Variants in CCDC102B observed in about 807,000 individuals in gnomAD.
CCDC102B encodes the protein coiled-coil domain-containing protein 102B.
In CCDC102B, 75 loss-of-function variants were observed where a neutral mutation model predicts 57.4. The observed-to-expected ratio is 1.31, with a 90% confidence interval of 1.08 to 1.58. CCDC102B has a LOEUF of 1.58. Ranked by LOEUF, CCDC102B falls within the 40% of genes most tolerant of loss-of-function variation. The pLI, the probability that CCDC102B is intolerant of heterozygous loss-of-function variation, is 0.00. For missense variants in CCDC102B, 636 were observed against 582.6 expected (o/e 1.09, Z -0.94); for synonymous variants, 206 against 201.9 (o/e 1.02, Z -0.17).
chr18:68,810,696 T>G lies in CCDC102B; in HGVS notation c.-16+12515T>G, dbSNP rs1453033746. Reference sequence around the variant, plus strand: ...CTTTTCTTTGTTTTTTTTTTTTTTTTTTTTTTTTTTTATGCTTTAAGTTCT... The same window carrying G: ...CTTTTCTTTGTTTTTTTTTTTTTTTGTTTTTTTTTTTATGCTTTAAGTTCT... On this transcript the variant is annotated intron_variant, in intron 1 of 7. Coordinates refer to ENST00000360242, the MANE Select transcript of CCDC102B (RefSeq NM_024781.3). Among the ~76,000 whole-genome samples, 5 of 145,082 alleles carry G rather than the reference T, an allele frequency of 3.4e-5. 1 individual carries two copies. The highest frequency in any genetic ancestry group is 7.1e-3 in the Middle Eastern group (2 of 282).
chr18:68,717,420 GTTAA>G (rs1285926642), intron 2 of CCDC102B, among the ~76,000 whole-genome samples: 4 of 152,106 alleles, frequency 2.6e-5, no homozygotes, highest in Admixed American at 1.3e-4. Flanking sequence ...GGTGTATTGA[GTTAA>G]TTAAATTATT....
At chr18:68,845,338 ATTAG>A (rs1023201447) in intron 3 of CCDC102B, among the ~76,000 whole-genome samples, 1 of 151,872 alleles carries the variant, frequency 6.6e-6, no homozygotes, top group Non-Finnish European at 1.5e-5. Flanking sequence ...AGATCCGTAT[ATTAG>A]TTAATTATGA....
rs572307174 is a variant in CCDC102B at position 68,720,152 on chromosome 18, T to G, written c.-67+3558T>G. Among the ~76,000 whole-genome samples, 155 of 152,326 alleles carry G rather than the reference T, an allele frequency of 1.0e-3. 1 individual carries two copies. The highest frequency in any genetic ancestry group is 6.8e-3 in the Middle Eastern group (2 of 294). ...CCTGTCATCAATAGTAAATTAGGAA[T>G]AGGAAGGCAATTCTATGACATGTTG... On this transcript the variant is annotated intron_variant, in intron 2 of 3. Transcript: ENST00000578970.
intron 4 of CCDC102B, among the ~76,000 whole-genome samples, chr18:68,854,620 C>A (rs1383133775): frequency 6.6e-6 from 1 of 152,024 alleles, no homozygotes; most frequent in African/African-American, 2.4e-5. Context: ...GTAATACATG[C>A]CTCTTTGCTT....
intron 1 of CCDC102B, among the ~76,000 whole-genome samples, chr18:68,822,048 A>C (rs908951351): frequency 6.6e-6 from 1 of 152,146 alleles, no homozygotes; most frequent in Admixed American, 6.6e-5. Context: ...ATACTTTCTA[A>C]AAATTATGAA....
intron 2 of CCDC102B, among the ~76,000 whole-genome samples, chr18:68,723,655 C>G (rs2032460064): frequency 6.6e-6 from 1 of 152,250 alleles, no homozygotes; most frequent in Non-Finnish European, 1.5e-5. Context: ...TGTCTTACAT[C>G]CAGGGCACAC....
At chr18:68,782,121 T>C (rs555842705) in intron 2 of CCDC102B, among the ~76,000 whole-genome samples, 28 of 152,270 alleles carry the variant, frequency 1.8e-4, no homozygotes, top group African/African-American at 6.3e-4. Context: ...ATTATCATCA[T>C]TGAATTTTCT....
At chr18:68,918,767 A>G (rs1451289079) in intron 6 of CCDC102B, among the ~76,000 whole-genome samples, 1 of 152,174 alleles carries the variant, frequency 6.6e-6, no homozygotes, top group African/African-American at 2.4e-5. Flanking sequence ...TTCCATTTAC[A>G]TTGCATTGGA....
At chr18:68,876,341 T>TC (rs1370335107) in intron 5 of CCDC102B, among the ~76,000 whole-genome samples, 2 of 152,160 alleles carry the variant, frequency 1.3e-5, no homozygotes, top group African/African-American at 4.8e-5. Context: ...ATCATACCTT[T>TC]CAGTGTAAGT....
At chr18:68,902,933 A>G (rs903309441) in intron 6 of CCDC102B, among the ~76,000 whole-genome samples, 1 of 152,182 alleles carries the variant, frequency 6.6e-6, no homozygotes, top group Non-Finnish European at 1.5e-5. Context: ...TATCCCCACA[A>G]CCCGGCACAT....
At chr18:68,821,489 A>G (rs1414785044) in intron 1 of CCDC102B, among the ~76,000 whole-genome samples, 1 of 151,742 alleles carries the variant, frequency 6.6e-6, no homozygotes, top group African/African-American at 2.4e-5. Context: ...TAAATGCCAC[A>G]GAGAGAAAAC....
At chr18:68,975,276 C>T (rs1173936032) in intron 6 of CCDC102B, among the ~76,000 whole-genome samples, 1 of 151,868 alleles carries the variant, frequency 6.6e-6, no homozygotes, top group Non-Finnish European at 1.5e-5. Flanking sequence ...CACTTTTATG[C>T]TATGAACATT....
intron 1 of CCDC102B, among the ~76,000 whole-genome samples, chr18:68,815,849 G>C (rs564298069): frequency 6.6e-6 from 1 of 152,116 alleles, no homozygotes. Flanking sequence ...GACAAGACTA[G>C]GGCTCTGTAA....
At chr18:68,772,492 C>T (rs1199686680) in intron 2 of CCDC102B, among the ~76,000 whole-genome samples, 1 of 152,100 alleles carries the variant, frequency 6.6e-6, no homozygotes, top group Admixed American at 6.6e-5. Flanking sequence ...TGGCTCTCTT[C>T]ATAAGATCTA....
chr18:68,847,657 C>T (rs2144822581), intron 4 of CCDC102B, among the ~76,000 whole-genome samples: 1 of 151,796 alleles, frequency 6.6e-6, no homozygotes, highest in South Asian at 2.1e-4. Flanking sequence ...AAAAGTATGA[C>T]ATTATACAGT....
downstream of CCDC102B, among the ~76,000 whole-genome samples, chr18:69,056,266 T>A (rs185730627): frequency 1.1e-3 from 172 of 152,190 alleles, no homozygotes; most frequent in African/African-American, 3.6e-3. Flanking sequence ...TTCAAAATAT[T>A]GGGAACTAAA....
At chr18:68,992,550 G>T (rs562569902) in intron 6 of CCDC102B, among the ~76,000 whole-genome samples, 1 of 152,248 alleles carries the variant, frequency 6.6e-6, no homozygotes, top group East Asian at 1.9e-4. Flanking sequence ...TCTGGAGATG[G>T]AGCCTATTAG....
chr18:68,823,737 A>G (rs117353421), intron 1 of CCDC102B, among the ~76,000 whole-genome samples: 5,241 of 152,242 alleles, frequency 0.034, 123 homozygotes, highest in Non-Finnish European at 0.049. Flanking sequence ...GGACTTTTTA[A>G]TAATGGCCAT....
At position 68,890,815 on chromosome 18, in the gene CCDC102B, C is replaced by T. The variant is rs144766459; in HGVS notation, c.1054-6404C>T. On this transcript the variant is annotated intron_variant, in intron 5 of 7. Transcript: ENST00000360242. ...TTTATGTAGTAACAATAGACTACTA[C>T]TCCTTTGTATGAATATACTGAGATT... is the stretch of plus-strand genomic sequence containing the variant. Among the ~76,000 whole-genome samples the T allele has an allele frequency of 2.0e-5, 3 of 152,230 alleles. No homozygotes were observed. The East Asian group carries it at 5.8e-4, about 29-fold the overall frequency.
Sources: gnomAD v4.1 joint callset for allele counts (sites outside exome capture counted in the v4.1 genomes callset) on GRCh38, gnomAD v4.1.1 for gene constraint, MANE v1.5 for transcripts, NCBI Gene and HGNC (gene_info 2026-07-23, HGNC 2026-07-21) for gene names.